Variants in MEIS3 observed in about 807,000 individuals in gnomAD.
MEIS3 encodes homeobox protein Meis3.
MEIS3 carries 38 observed loss-of-function variants against 51.4 expected under a neutral mutation model. The observed-to-expected ratio is 0.74, with a 90% CI of 0.57 to 0.97. The LOEUF is 0.97. MEIS3 is among the 50% of genes least tolerant of loss of function. The probability of loss-of-function intolerance (pLI) is 0.00; values close to 1 mark genes in which losing one functional copy is unlikely to be tolerated. For missense variants in MEIS3, 456 were observed against 502.6 expected (o/e 0.91, Z 0.89); for synonymous variants, 198 against 201.8 (o/e 0.98, Z 0.16).
At chr19:47,413,623 G>A (rs1971245541) in intron 6 of MEIS3, among the ~76,000 whole-genome samples, 1 of 152,120 alleles carries the variant, frequency 6.6e-6, no homozygotes, top group Non-Finnish European at 1.5e-5. Context: ...GGATCCACAC[G>A]GCTGTGCTGT....
chr19:47,405,701 C>T (rs1484742042), intron 12 of MEIS3, among the ~76,000 whole-genome samples: 1 of 151,868 alleles, frequency 6.6e-6, no homozygotes, highest in African/African-American at 2.4e-5. Context: ...GGGTACATGC[C>T]ACCACACCTG....
At position 47,409,489 on chromosome 19, in the gene MEIS3, C is replaced by A. The variant is rs773556659; in HGVS notation, c.656G>T (p.Gly219Val). The A allele has an allele frequency of 6.2e-7, 1 of 1,614,158 alleles. No individual in the cohort carries two copies. The highest frequency in any genetic ancestry group is 1.1e-5 in the South Asian group (1 of 91,086). Residue 219 changes from glycine to valine, a missense_variant, in exon 7 of 13, where the codon GGT becomes GTT. Gly to Val is a moderately radical substitution (Grantham distance 109, BLOSUM62 -3). Coordinates refer to ENST00000558555, the MANE Select transcript of MEIS3 (RefSeq NM_001301059.2). ...GGAGGCCAGGCCCCCACTGGATGGA[C>A]CTGGGGTCCCCAAATGTACAGACCC... ...DSGSVHLGTP[G>V]PSSGGLASQS...
chr19:47,420,110 G>A (rs1211423700), upstream of MEIS3, among the ~76,000 whole-genome samples: 2 of 152,196 alleles, frequency 1.3e-5, no homozygotes, highest in Non-Finnish European at 2.9e-5. Flanking sequence ...CTGCGGTGAG[G>A]CTGGCCGTTT....
At position 47,409,546 on chromosome 19, in the gene MEIS3, T is replaced by C. The variant is rs1971022861; in HGVS notation, c.599A>G (p.Asn200Ser). 1 of 1,612,188 alleles carries C rather than the reference T, an allele frequency of 6.2e-7. No individual in the cohort carries two copies. The highest frequency in any genetic ancestry group is 1.7e-5 in the Admixed American group (1 of 59,986). The change falls in exon 7 of 13, where the codon AAT becomes AGT. Residue 200 changes from asparagine to serine, a missense_variant and splice_region_variant. By Grantham distance (46) the Asn-to-Ser change is conservative. Coordinates refer to ENST00000558555, the MANE Select transcript of MEIS3 (RefSeq NM_001301059.2). Reference sequence around the variant, plus strand: ...CTCATGGTCTCGAATCCACATATTATTCTAGAAAACAAGAGTTAGAAGTTA... The same window carrying C: ...CTCATGGTCTCGAATCCACATATTACTCTAGAAAACAAGAGTTAGAAGTTA... The part of the protein sequence containing the change: ...PASCPSLPDQ[N>S]NMWIRDHEDS...
At position 47,419,109 on chromosome 19, in the gene MEIS3, T is replaced by A; in HGVS notation, c.-28A>T. On this transcript the variant is annotated 5_prime_UTR_variant, in exon 1 of 13. Coordinates refer to ENST00000558555, the MANE Select transcript of MEIS3 (RefSeq NM_001301059.2). ...GCTGAGGCCGGCGGCAGCTCCTGGGTCCCTCCAGAGCCTGGCCGCGGGGGA... is the reference window on the plus strand; with the variant it reads ...GCTGAGGCCGGCGGCAGCTCCTGGGACCCTCCAGAGCCTGGCCGCGGGGGA... 1 of 1,234,134 alleles carries A rather than the reference T, an allele frequency of 8.1e-7. No individual in the cohort carries two copies. The highest frequency in any genetic ancestry group is 1.0e-6 in the Non-Finnish European group (1 of 990,074). 76.4% of individuals were successfully genotyped at this position (1,234,134 alleles called of 1,614,324 possible).
intron 12 of MEIS3, chr19:47,405,893 T>G (rs1938309011): frequency 6.6e-6 from 1 of 152,092 alleles, no homozygotes. Context: ...GATGAATGGG[T>G]GTATGTAGGT....
chr19:47,421,626 C>G (rs770932722), upstream of MEIS3, among the ~76,000 whole-genome samples: 1 of 152,062 alleles, frequency 6.6e-6, no homozygotes, highest in Non-Finnish European at 1.5e-5. Context: ...ATCTGTGTCT[C>G]TGCTCAGGAG....
At chr19:47,414,941 T>G (rs1218892022) in intron 5 of MEIS3, 75 bp from the exon 6 acceptor site, 2 of 1,030,512 alleles carry the variant, frequency 1.9e-6, no homozygotes, top group African/African-American at 3.5e-5. Flanking sequence ...GGGGGCGGCA[T>G]TCTGCTTCAA....
upstream of MEIS3, among the ~76,000 whole-genome samples, chr19:47,420,774 G>A (rs1971677779): frequency 2.0e-5 from 3 of 151,302 alleles, no homozygotes; most frequent in Non-Finnish European, 4.4e-5. Context: ...ATTGGGGGAG[G>A]ATGGAGGATG....
chr19:47,413,832 A>G (rs1971257169), intron 6 of MEIS3, among the ~76,000 whole-genome samples: 1 of 148,464 alleles, frequency 6.7e-6, no homozygotes, highest in African/African-American at 2.5e-5. Context: ...GGTTCATGCC[A>G]TTCTCCTGCC....
At chr19:47,418,771 G>A (rs1481745750) in intron 1 of MEIS3, 2 of 310,856 alleles carry the variant, frequency 6.4e-6, no homozygotes, top group Non-Finnish European at 1.2e-5. Flanking sequence ...CAGAGAGAGG[G>A]GGACAGAGAG....
intron 8 of MEIS3, among the ~76,000 whole-genome samples, chr19:47,408,404 G>A (rs1016118984): frequency 3.9e-5 from 6 of 152,114 alleles, no homozygotes; most frequent in Admixed American, 2.0e-4. Context: ...TTACAGGCAT[G>A]AGCCACTGTG....
At chr19:47,406,155 A>G (rs895172758) in intron 12 of MEIS3, 3 of 277,894 alleles carry the variant, frequency 1.1e-5, no homozygotes, top group African/African-American at 4.4e-5. Flanking sequence ...ATGAGTGGGT[A>G]GGTGGGTGGA....
intron 6 of MEIS3, among the ~76,000 whole-genome samples, chr19:47,411,064 G>C (rs983649864): frequency 3.3e-5 from 5 of 152,036 alleles, no homozygotes; most frequent in African/African-American, 1.2e-4. Context: ...AGTCTCCCGA[G>C]TAGCTGGGAT....
intron 1 of MEIS3, chr19:47,417,914 T>TCC (rs71962567): frequency 2.4e-5 from 12 of 500,136 alleles, no homozygotes; most frequent in African/African-American, 2.2e-4. Flanking sequence ...CACACCCAAA[T>TCC]CCCCCCCCCC....
rs541362183 is a variant in MEIS3 at position 47,409,069 on chromosome 19, C to T, written c.858+30G>A. On this transcript the variant is annotated intron_variant, in intron 8 of 12. Transcript: ENST00000558555. ...CCACCCTTCTCCCTCTCTCCATTCC[C>T]ACCCTGCACCTGGGCAGCAGGGCTC... 330 of 1,605,200 alleles carry T rather than the reference C, an allele frequency of 2.1e-4. 5 individuals carry two copies. In the South Asian group the frequency reaches 3.5e-3, roughly 17 times the overall value.
In MEIS3 at chr19:47,417,530, G is replaced by A. The variant is rs151332124; in HGVS notation, c.13-180C>T. ...GAAGCCCTCCAGGTCCCCTGGAGCT[G>A]CCTCGGTGGGGAGTGAGGACCCCGT... On this transcript the variant is annotated intron_variant, in intron 1 of 12. Coordinates refer to ENST00000558555, the MANE Select transcript of MEIS3 (RefSeq NM_001301059.2). 1.0e-2 allele frequency: 7,629 copies of A among 766,444 alleles called. 67 individuals are homozygous for A. The highest frequency in any genetic ancestry group is 0.037 in the Middle Eastern group (169 of 4,520). 47.5% of individuals were successfully genotyped at this position (766,444 alleles called of 1,614,324 possible).
In MEIS3 at chr19:47,409,124, C is replaced by A; in HGVS notation, c.833G>T (p.Arg278Leu). 6.2e-7 allele frequency: 1 copy of A among 1,611,406 alleles called. No homozygotes were observed. Among genetic ancestry groups the A allele is most frequent in the Non-Finnish European group, 8.5e-7 (1 of 1,179,998 alleles). ...CGAGAGGTGCTGGAACAACCAGGCT[C>A]GCATGATGTTGGTGGCCACCTTGGG... ...IFPKVATNIM[R>L]AWLFQHLSHP... is the part of the protein sequence containing the mutation. Residue 278 changes from arginine (R) to leucine (L), a missense_variant, in exon 8 of 13, where the codon CGA becomes CTA. By Grantham distance (102) the Arg-to-Leu change is moderately radical (BLOSUM62 -2). Transcript: ENST00000558555.
intron 8 of MEIS3, among the ~76,000 whole-genome samples, chr19:47,407,805 C>T (rs1970924130): frequency 6.6e-6 from 1 of 152,000 alleles, no homozygotes; most frequent in African/African-American, 2.4e-5. Flanking sequence ...CTCTCCCTAT[C>T]CATTTATTTA....
Sources: allele counts gnomAD v4.1 joint callset (sites outside exome capture counted in the v4.1 genomes callset), GRCh38; gene constraint gnomAD v4.1.1; transcripts MANE v1.5; gene names NCBI Gene and HGNC (gene_info 2026-07-23, HGNC 2026-07-21).